Variants in SLC39A11 observed in about 807,000 individuals in gnomAD.
SLC39A11 encodes zinc transporter ZIP11.
Under a neutral mutation model 36.1 loss-of-function variants are expected in SLC39A11, and 33 were observed. The ratio of observed to expected loss-of-function variants is 0.91; its 90% CI spans 0.69 to 1.22. SLC39A11 has a LOEUF of 1.22. Among genes scored for constraint, SLC39A11 ranks in the 50% most tolerant of loss-of-function variants. SLC39A11 has a pLI of 0.00. For synonymous variants in SLC39A11, 166 were observed against 170.3 expected, an observed-to-expected ratio of 0.97 and a Z score of 0.20; for missense variants, 432 against 430.3, an observed-to-expected ratio of 1.00 and a Z score of -0.03.
intron 6 of SLC39A11, among the ~76,000 whole-genome samples, chr17:72,842,064 T>C (rs990180866): frequency 5.4e-5 from 7 of 130,342 alleles, no homozygotes; most frequent in Non-Finnish European, 1.2e-4. Context: ...AGAGAGATCT[T>C]GTCTCAAAAA....
chr17:72,747,094 G>T (rs555495705), intron 6 of SLC39A11, among the ~76,000 whole-genome samples: 24 of 152,288 alleles, frequency 1.6e-4, no homozygotes, highest in Admixed American at 1.4e-3. Context: ...AACATCTATT[G>T]CTGGAGTGGA....
intron 4 of SLC39A11, among the ~76,000 whole-genome samples, chr17:73,004,744 T>G (rs920191837): frequency 1.3e-5 from 2 of 152,126 alleles, no homozygotes; most frequent in Non-Finnish European, 2.9e-5. Flanking sequence ...ACAATCTCTC[T>G]GAGAAAAAGA....
intron 6 of SLC39A11, among the ~76,000 whole-genome samples, chr17:72,768,589 C>T (rs1283750824): frequency 1.3e-5 from 2 of 152,138 alleles, no homozygotes; most frequent in Non-Finnish European, 2.9e-5. Context: ...TTCTCCACCT[C>T]TCCTAACACT....
intron 6 of SLC39A11, among the ~76,000 whole-genome samples, chr17:72,849,316 A>C (rs1426609233): frequency 6.6e-6 from 1 of 152,248 alleles, no homozygotes; most frequent in Non-Finnish European, 1.5e-5. Context: ...AGAGATACCC[A>C]GTATTTATAA....
intron 7 of SLC39A11, among the ~76,000 whole-genome samples, chr17:72,719,390 C>T (rs2073554669): frequency 6.6e-6 from 1 of 152,190 alleles, no homozygotes; most frequent in African/African-American, 2.4e-5. Flanking sequence ...TGCCACATGT[C>T]CCCACGAGTG....
intron 7 of SLC39A11, among the ~76,000 whole-genome samples, chr17:72,719,150 G>C (rs2073541409): frequency 6.6e-6 from 1 of 152,114 alleles, no homozygotes; most frequent in South Asian, 2.1e-4. Context: ...GGGAGGCCGA[G>C]GCATGAGAAT....
intron 5 of SLC39A11, among the ~76,000 whole-genome samples, chr17:72,858,943 A>C (rs1484900113): frequency 6.6e-6 from 1 of 152,264 alleles, no homozygotes; most frequent in Non-Finnish European, 1.5e-5. Context: ...ATATGCAAAC[A>C]GGAATAGTTT....
intron 3 of SLC39A11, among the ~76,000 whole-genome samples, chr17:73,064,262 AG>A (rs956608684): frequency 1.3e-5 from 2 of 152,208 alleles, no homozygotes; most frequent in Non-Finnish European, 1.5e-5. Context: ...CCTGAGCCAA[AG>A]TCAGATGTGG....
intron 6 of SLC39A11, among the ~76,000 whole-genome samples, chr17:72,780,796 T>C (rs2076290287): frequency 6.6e-6 from 1 of 152,228 alleles, no homozygotes; most frequent in South Asian, 2.1e-4. Flanking sequence ...GAGACCAGCC[T>C]GACCAACATG....
chr17:72,932,835 G>A (rs939082989), intron 5 of SLC39A11, among the ~76,000 whole-genome samples: 2 of 152,168 alleles, frequency 1.3e-5, no homozygotes, highest in African/African-American at 4.8e-5. Flanking sequence ...AAGGAGTCGA[G>A]TCAGAATTCA....
chr17:72,727,180 C>G (rs548393400), intron 7 of SLC39A11, among the ~76,000 whole-genome samples: 3 of 152,204 alleles, frequency 2.0e-5, no homozygotes, highest in African/African-American at 7.2e-5. Context: ...TTGAATGATG[C>G]CTGCCACTGA....
At chr17:72,938,894 T>C (rs1258980745) in intron 5 of SLC39A11, among the ~76,000 whole-genome samples, 1 of 152,216 alleles carries the variant, frequency 6.6e-6, no homozygotes, top group African/African-American at 2.4e-5. Flanking sequence ...AACTCCTCAG[T>C]AGATACTTAA....
At chr17:72,764,757 A>G (rs534149979) in intron 6 of SLC39A11, among the ~76,000 whole-genome samples, 72 of 152,266 alleles carry the variant, frequency 4.7e-4, no homozygotes, top group Non-Finnish European at 8.2e-4. Context: ...CACATCTGCA[A>G]TTTTGCAGCC....
intron 3 of SLC39A11, among the ~76,000 whole-genome samples, chr17:73,073,200 T>A (rs1290373525): frequency 1.3e-5 from 2 of 152,096 alleles, no homozygotes; most frequent in African/African-American, 4.8e-5. Flanking sequence ...TAAAATAAAA[T>A]GCCAACTCCT....
chr17:72,685,672 A>G (rs1235617175), intron 7 of SLC39A11, among the ~76,000 whole-genome samples: 1 of 152,178 alleles, frequency 6.6e-6, no homozygotes, highest in Non-Finnish European at 1.5e-5. Flanking sequence ...ATCTAGGATT[A>G]GGGAATGATT....
At chr17:72,843,208 G>C (rs1005310716) in intron 6 of SLC39A11, among the ~76,000 whole-genome samples, 1 of 151,934 alleles carries the variant, frequency 6.6e-6, no homozygotes, top group Non-Finnish European at 1.5e-5. Context: ...TCAGCCTCCC[G>C]AAGTGCTGGG....
chr17:73,008,478 G>C lies in SLC39A11; in HGVS notation c.306+23078C>G, dbSNP rs373810430. Among the ~76,000 whole-genome samples the C allele has an allele frequency of 1.1e-4, 16 of 152,298 alleles. No individual in the cohort carries two copies. In the East Asian group the frequency reaches 2.9e-3, roughly 28 times the overall value. On this transcript the variant is annotated intron_variant, in intron 4 of 9. Coordinates refer to ENST00000255559, the MANE Select transcript of SLC39A11 (RefSeq NM_139177.4). ...TCCAGCTCCTCCCATTCAGAGCTGA[G>C]CTTCACACATGTGGCTCCAGCAAGC...
intron 6 of SLC39A11, among the ~76,000 whole-genome samples, chr17:72,808,717 T>C (rs1275671468): frequency 6.6e-6 from 1 of 152,186 alleles, no homozygotes; most frequent in East Asian, 1.9e-4. Context: ...TGAGATGTTT[T>C]TCAGACTTTT....
intron 4 of SLC39A11, among the ~76,000 whole-genome samples, chr17:72,971,536 C>A (rs1299318983): frequency 1.2e-4 from 18 of 152,136 alleles, no homozygotes; most frequent in Non-Finnish European, 2.4e-4. Context: ...AGATGGAAAG[C>A]AAACATAAAA....
Sources: allele counts gnomAD v4.1 joint callset (sites outside exome capture counted in the v4.1 genomes callset), GRCh38; gene constraint gnomAD v4.1.1; transcripts MANE v1.5; gene names NCBI Gene and HGNC (gene_info 2026-07-23, HGNC 2026-07-21).